The following RAB31 variants were observed in gnomAD, a reference collection of about 807,000 sequenced individuals.
The protein encoded by RAB31 is ras-related protein Rab-31.
A neutral mutation model predicts 25.6 loss-of-function variants in RAB31; 21 were observed. The observed-to-expected ratio is 0.82, with a 90% CI of 0.58 to 1.18. The LOEUF is 1.18. Ranked by LOEUF, RAB31 falls within the 50% of genes most tolerant of loss-of-function variation. The pLI is 0.00. For missense variants in RAB31, 196 were observed against 250.1 expected (o/e 0.78, Z 1.46); for synonymous variants, 87 against 84.0 (o/e 1.04, Z -0.20).
At chr18:9,754,007 G>T (rs1250589283) in intron 1 of RAB31, among the ~76,000 whole-genome samples, 4 of 152,166 alleles carry the variant, frequency 2.6e-5, no homozygotes, top group African/African-American at 9.7e-5. Context: ...GGTGCCAAGT[G>T]CATCACCACT....
intron 1 of RAB31, among the ~76,000 whole-genome samples, chr18:9,754,402 C>T (rs552203873): frequency 2.0e-5 from 3 of 152,248 alleles, no homozygotes; most frequent in South Asian, 4.1e-4. Context: ...GCCTCAGCCT[C>T]CTGAGTAGCT....
chr18:9,716,583 C>T (rs2068045419), intron 1 of RAB31, among the ~76,000 whole-genome samples: 1 of 152,038 alleles, frequency 6.6e-6, no homozygotes, highest in East Asian at 1.9e-4. Flanking sequence ...GTCTTCAGAG[C>T]CCAGGATGGA....
chr18:9,846,318 C>CT (rs1353150933), intron 6 of RAB31, among the ~76,000 whole-genome samples: 2 of 152,184 alleles, frequency 1.3e-5, no homozygotes, highest in African/African-American at 4.8e-5. Context: ...GCTAATGGCT[C>CT]TGCCAACACA....
rs373606741 is a variant in RAB31, at chr18:9,784,867, T to C, written c.120-7287T>C. Among the ~76,000 whole-genome samples the C allele has an allele frequency of 6.6e-5, 10 of 152,308 alleles. No individual in the cohort carries two copies. The East Asian group carries it at 1.7e-3, about 26-fold the overall frequency. On this transcript the variant is annotated intron_variant, in intron 2 of 6. Transcript: ENST00000578921. ...TGCGCCCAGCCAATTTTAGATGATATTGATCTATATTCATAGAAAAGGAAA... is the reference window on the plus strand; with the variant it reads ...TGCGCCCAGCCAATTTTAGATGATACTGATCTATATTCATAGAAAAGGAAA...
At chr18:9,774,719 A>G (rs2068363136) in intron 1 of RAB31, among the ~76,000 whole-genome samples, 1 of 152,220 alleles carries the variant, frequency 6.6e-6, no homozygotes, top group South Asian at 2.1e-4. Flanking sequence ...GCTTTAAAGA[A>G]TTATTTAAGA....
chr18:9,828,276 G>A (rs939090849), intron 5 of RAB31, among the ~76,000 whole-genome samples: 23 of 152,134 alleles, frequency 1.5e-4, no homozygotes, highest in African/African-American at 5.3e-4. Flanking sequence ...GATGGTGCCC[G>A]CCTCGGCTTC....
chr18:9,796,590 AG>A (rs1343386117), intron 3 of RAB31, among the ~76,000 whole-genome samples: 1 of 152,156 alleles, frequency 6.6e-6, no homozygotes, highest in Non-Finnish European at 1.5e-5. Context: ...AAAATGAGAA[AG>A]AAAAAATAAT....
chr18:9,791,673 A>T (rs1463762334), intron 2 of RAB31, among the ~76,000 whole-genome samples: 3 of 152,074 alleles, frequency 2.0e-5, no homozygotes, highest in Admixed American at 2.0e-4. Flanking sequence ...GGCTCACTGC[A>T]ACCTCTGCCT....
intron 1 of RAB31, among the ~76,000 whole-genome samples, chr18:9,772,877 A>T (rs1006351018): frequency 3.3e-5 from 5 of 151,678 alleles, no homozygotes; most frequent in African/African-American, 1.2e-4. Flanking sequence ...GCTCCTCCAC[A>T]GGGGGTCTTA....
At chr18:9,839,962 A>G (rs2068724571) in intron 5 of RAB31, among the ~76,000 whole-genome samples, 1 of 152,158 alleles carries the variant, frequency 6.6e-6, no homozygotes, top group Non-Finnish European at 1.5e-5. Flanking sequence ...GCAGCGGCTC[A>G]GGAGGGACTC....
At chr18:9,760,753 C>T (rs1202735478) in intron 1 of RAB31, among the ~76,000 whole-genome samples, 5 of 152,162 alleles carry the variant, frequency 3.3e-5, no homozygotes, top group African/African-American at 4.8e-5. Flanking sequence ...CCAAGGCCCC[C>T]GCTAAGGACG....
intron 3 of RAB31, among the ~76,000 whole-genome samples, chr18:9,801,321 G>A (rs1475377357): frequency 1.5e-4 from 21 of 143,514 alleles, no homozygotes; most frequent in Non-Finnish European, 2.0e-4. Flanking sequence ...CTTCTCTGTC[G>A]CCTAGGCTGG....
chr18:9,715,429 A>G (rs1363258855), intron 1 of RAB31, among the ~76,000 whole-genome samples: 1 of 139,704 alleles, frequency 7.2e-6, no homozygotes, highest in African/African-American at 2.6e-5. Flanking sequence ...TTTTTTTTTG[A>G]AAAATTTAAA....
intron 5 of RAB31, among the ~76,000 whole-genome samples, chr18:9,824,973 G>A (rs190662278): frequency 2.5e-3 from 381 of 152,304 alleles, no homozygotes; most frequent in Non-Finnish European, 4.1e-3. Context: ...CCTTCCTGCC[G>A]CTCTTCTCCC....
chr18:9,713,625 T>C (rs1488846958), intron 1 of RAB31, among the ~76,000 whole-genome samples: 1 of 152,166 alleles, frequency 6.6e-6, no homozygotes, highest in Non-Finnish European at 1.5e-5. Flanking sequence ...CTCTGGAGTG[T>C]GTATCAGAAT....
chr18:9,840,208 A>T (rs1398583051), intron 5 of RAB31, among the ~76,000 whole-genome samples: 1 of 152,194 alleles, frequency 6.6e-6, no homozygotes, highest in African/African-American at 2.4e-5. Flanking sequence ...CAGTCGTAGT[A>T]ATTCTCAGTG....
chr18:9,839,960 T>G (rs193119843), intron 5 of RAB31, among the ~76,000 whole-genome samples: 183 of 152,262 alleles, frequency 1.2e-3, no homozygotes, highest in African/African-American at 4.3e-3. Flanking sequence ...CCGCAGCGGC[T>G]CAGGAGGGAC....
chr18:9,752,490 G>T (rs2068240536), intron 1 of RAB31, among the ~76,000 whole-genome samples: 3 of 152,158 alleles, frequency 2.0e-5, no homozygotes, highest in Non-Finnish European at 4.4e-5. Context: ...CTCCCAAAGT[G>T]CTGGGATTAC....
chr18:9,773,870 AG>A, intron 1 of RAB31, among the ~76,000 whole-genome samples: 1 of 152,196 alleles, frequency 6.6e-6, no homozygotes, highest in Admixed American at 6.6e-5. Flanking sequence ...TATGTTGCCC[AG>A]GCTGGCCTTG....
Sources: allele counts gnomAD v4.1 joint callset (sites outside exome capture counted in the v4.1 genomes callset), GRCh38; gene constraint gnomAD v4.1.1; transcripts MANE v1.5; gene names NCBI Gene and HGNC (gene_info 2026-07-23, HGNC 2026-07-21).